The following NFIA variants were observed in gnomAD, a reference collection of about 807,000 sequenced individuals.
NFIA encodes nuclear factor 1 A-type.
Under a neutral mutation model 62.8 loss-of-function variants are expected in NFIA, and 8 were observed. The observed-to-expected ratio is 0.13, with a 90% CI of 0.07 to 0.23. NFIA has a LOEUF of 0.23. Ranked by LOEUF, NFIA falls within the 10% of genes least tolerant of loss-of-function variation. The pLI, the probability that NFIA is intolerant of heterozygous loss-of-function variation, is 1.00. For synonymous variants in NFIA, 235 were observed against 238.1 expected, an observed-to-expected ratio of 0.99 and a Z score of 0.12; for missense variants, 410 against 642.1, an observed-to-expected ratio of 0.64 and a Z score of 3.91.
chr1:61,263,708 G>A (rs1656918655), intron 2 of NFIA, among the ~76,000 whole-genome samples: 1 of 152,100 alleles, frequency 6.6e-6, no homozygotes, highest in South Asian at 2.1e-4. Context: ...AAAACAAATA[G>A]CATTGGCTGG....
rs139287193 is a variant in NFIA at position 61,309,251 on chromosome 1, A to G, written c.626-23261A>G. Among the ~76,000 whole-genome samples, 103 of 151,244 alleles carry G rather than the reference A, an allele frequency of 6.8e-4. No individual in the cohort carries two copies. The East Asian group carries it at 0.015, about 22-fold the overall frequency. ...AGGGTTGAATATGAAGAGACCCTAC[A>G]TGTGACGTGTGTCCTACGAATCTTG... On this transcript the variant is annotated intron_variant, in intron 3 of 10. Coordinates refer to ENST00000403491, the MANE Select transcript of NFIA (RefSeq NM_001134673.4).
rs957172316 is a variant in NFIA, at chr1:61,088,948, T to C, written c.559+268T>C. The stretch of plus-strand genomic sequence containing the variant: ...ATATGTGATATGTTTAAATCACATT[T>C]TTTGATGAGGGGATGAGAGAAGCCT... On this transcript the variant is annotated intron_variant, in intron 2 of 10. Coordinates refer to ENST00000403491, the MANE Select transcript of NFIA (RefSeq NM_001134673.4). This position sits in a 1 kb window ranked among gnomAD's most constrained non-coding sequence, Gnocchi z 4.5. Among the ~76,000 whole-genome samples the C allele has an allele frequency of 6.6e-6, 1 of 152,246 alleles. No individual in the cohort carries two copies. The highest frequency in any genetic ancestry group is 1.5e-5 in the Non-Finnish European group (1 of 68,038).
At chr1:61,358,603 C>T (rs1663108571) in intron 5 of NFIA, among the ~76,000 whole-genome samples, 1 of 152,074 alleles carries the variant, frequency 6.6e-6, no homozygotes, top group Non-Finnish European at 1.5e-5. Flanking sequence ...CCAGGATGGT[C>T]TCAAACTCCT....
chr1:61,369,290 G>T (rs1007418362), intron 6 of NFIA, among the ~76,000 whole-genome samples: 1 of 152,134 alleles, frequency 6.6e-6, no homozygotes, highest in African/African-American at 2.4e-5. Context: ...TTTCTGATTT[G>T]TAGATAATAG....
intron 2 of NFIA, among the ~76,000 whole-genome samples, chr1:61,114,439 C>T (rs544889263): frequency 6.6e-6 from 1 of 152,120 alleles, no homozygotes; most frequent in African/African-American, 2.4e-5. Flanking sequence ...CAGTGAGCCT[C>T]AGTTGTACCA....
At chr1:61,347,165 C>CTG (rs1662273301) in intron 4 of NFIA, among the ~76,000 whole-genome samples, 1 of 70,110 alleles carries the variant, frequency 1.4e-5, no homozygotes, top group Non-Finnish European at 2.4e-5. Flanking sequence ...CTGGATCCCA[C>CTG]TTTTTTTTTT....
intron 4 of NFIA, among the ~76,000 whole-genome samples, chr1:61,349,246 A>G (rs990985518): frequency 6.6e-6 from 1 of 151,116 alleles, no homozygotes; most frequent in African/African-American, 2.4e-5. Context: ...TTTTTAAACG[A>G]AAGGCCCTTA....
chr1:61,101,624 T>C (rs2100436956), intron 2 of NFIA, among the ~76,000 whole-genome samples: 1 of 152,188 alleles, frequency 6.6e-6, no homozygotes, highest in South Asian at 2.1e-4. Context: ...ATTTGGCAGT[T>C]CCTAAAACAC....
At chr1:61,355,290 CA>C (rs1484333484) in intron 5 of NFIA, among the ~76,000 whole-genome samples, 3 of 151,774 alleles carry the variant, frequency 2.0e-5, no homozygotes, top group East Asian at 1.9e-4. Flanking sequence ...AGCAAGAAAC[CA>C]AAATCAATGA....
chr1:61,143,659 A>T (rs904722373), intron 2 of NFIA, among the ~76,000 whole-genome samples: 2 of 152,086 alleles, frequency 1.3e-5, no homozygotes, highest in African/African-American at 4.8e-5. Flanking sequence ...CCAAAGTGCT[A>T]GGATTACAGG....
intron 2 of NFIA, among the ~76,000 whole-genome samples, chr1:61,094,995 A>T (rs1646385711): frequency 6.6e-6 from 1 of 152,194 alleles, no homozygotes; most frequent in South Asian, 2.1e-4. Flanking sequence ...GAGAAAAAGA[A>T]GTTCATTTGT....
chr1:61,396,689 A>T (rs1665285463), intron 7 of NFIA, among the ~76,000 whole-genome samples: 1 of 152,084 alleles, frequency 6.6e-6, no homozygotes. Context: ...CCATGCTCAG[A>T]TTGTGGTGTG....
intron 2 of NFIA, among the ~76,000 whole-genome samples, chr1:61,233,090 A>T (rs1004715560): frequency 6.6e-6 from 1 of 152,156 alleles, no homozygotes; most frequent in African/African-American, 2.4e-5. Flanking sequence ...TTTTAAAAAA[A>T]TGTTCTTTCT....
chr1:61,082,138 G>A, upstream of NFIA: 1 of 968,922 alleles, frequency 1.0e-6, no homozygotes, highest in East Asian at 5.2e-5. Context: ...GCCTATAGCT[G>A]CCCGGGAGTA....
At chr1:61,395,888 A>G (rs1665245618) in intron 7 of NFIA, among the ~76,000 whole-genome samples, 1 of 152,260 alleles carries the variant, frequency 6.6e-6, no homozygotes, top group African/African-American at 2.4e-5. Context: ...ATACTGTACA[A>G]CTTAATATCC....
At chr1:61,441,744 TGATATCTA>T (rs958887629) in intron 10 of NFIA, among the ~76,000 whole-genome samples, 2 of 152,178 alleles carry the variant, frequency 1.3e-5, no homozygotes, top group African/African-American at 4.8e-5. Flanking sequence ...TTGTTCTCTC[TGATATCTA>T]GATAGTGCTG....
intron 2 of NFIA, among the ~76,000 whole-genome samples, chr1:61,145,672 T>G (rs1007851157): frequency 1.3e-5 from 2 of 152,132 alleles, no homozygotes; most frequent in African/African-American, 4.8e-5. Context: ...TAGGGTGGTG[T>G]TGGGTGCATC....
intron 7 of NFIA, among the ~76,000 whole-genome samples, chr1:61,385,566 T>C (rs1457583800): frequency 6.6e-6 from 1 of 152,200 alleles, no homozygotes; most frequent in Non-Finnish European, 1.5e-5. Context: ...GCAATCTGTA[T>C]ATATTATCAT....
At chr1:61,239,646 A>G (rs1655217668) in intron 2 of NFIA, among the ~76,000 whole-genome samples, 1 of 152,158 alleles carries the variant, frequency 6.6e-6, no homozygotes, top group Middle Eastern at 3.2e-3. Context: ...GAGTGAAATA[A>G]TGTTTGTATA....
Sources: allele counts gnomAD v4.1 joint callset (sites outside exome capture counted in the v4.1 genomes callset), GRCh38; gene constraint gnomAD v4.1.1; non-coding constraint Gnocchi (gnomAD v3.1); transcripts MANE v1.5; gene names NCBI Gene and HGNC (gene_info 2026-07-23, HGNC 2026-07-21).